The following ALDH3A2 variants were observed in gnomAD, a reference collection of about 807,000 sequenced individuals.
The protein encoded by ALDH3A2 is aldehyde dehydrogenase family 3 member A2.
Under a neutral mutation model 51.3 loss-of-function variants are expected in ALDH3A2, and 36 were observed. The observed-to-expected ratio is 0.70, with a 90% CI of 0.54 to 0.93. The LOEUF is 0.93. ALDH3A2 is among the 40% of genes least tolerant of loss of function. The pLI is 0.00. For missense variants in ALDH3A2, 552 were observed against 603.1 expected (o/e 0.92, Z 0.89); for synonymous variants, 199 against 219.8 (o/e 0.91, Z 0.84).
chr17:19,661,652 T>G (rs1407893663), intron 6 of ALDH3A2, among the ~76,000 whole-genome samples: 1 of 152,198 alleles, frequency 6.6e-6, no homozygotes, highest in African/African-American at 2.4e-5. Context: ...CCAGAAATAA[T>G]GTTTTGGTCC....
At chr17:19,673,812 T>C (rs2085153612) in intron 9 of ALDH3A2, among the ~76,000 whole-genome samples, 2 of 152,192 alleles carry the variant, frequency 1.3e-5, no homozygotes, top group African/African-American at 2.4e-5. Context: ...ACTCCACTTA[T>C]CCACAATTTT....
rs1253689065 is a variant in ALDH3A2 at position 19,654,846 on chromosome 17, G to T, written c.472-1520G>T. On this transcript the variant is annotated intron_variant, in intron 3 of 9. Transcript: ENST00000176643. This position sits in a 1 kb window ranked among gnomAD's most constrained non-coding sequence, Gnocchi z 4.5. ...CAAGGAGGTGCTGAGAGCGAGCAAG[G>T]GTTGCCCGCACGCTCTCACCTCTCA... Among the ~76,000 whole-genome samples, 1 of 152,108 alleles carries T rather than the reference G, an allele frequency of 6.6e-6. No homozygotes were observed. The highest frequency in any genetic ancestry group is 6.5e-5 in the Admixed American group (1 of 15,284).
Position 19,648,895 on chromosome 17 carries a change from G to A in ALDH3A2, c.-77G>A. 1 of 1,517,858 alleles carries A rather than the reference G, an allele frequency of 6.6e-7. No individual in the cohort carries two copies. Among genetic ancestry groups the A allele is most frequent in the South Asian group, 1.2e-5 (1 of 83,444 alleles). The allele number at this position is 1,517,858 out of a possible 1,614,324, so 94.0% of individuals were successfully genotyped here. On this transcript the variant is annotated 5_prime_UTR_variant, in exon 1 of 10. Transcript: ENST00000176643. The stretch of plus-strand genomic sequence containing the variant: ...GGAGGGAGGCGGAGGGAAGGGAGGC[G>A]AGGCCTGCACCTGCATGCTTCCCGC...
intron 4 of ALDH3A2, 113 bp downstream of exon 4, chr17:19,656,687 T>A: frequency 9.2e-7 from 1 of 1,083,704 alleles, no homozygotes; most frequent in Non-Finnish European, 1.4e-6. Context: ...GATACATTAT[T>A]AAGCTTTGGT....
At chr17:19,669,760 G>C (rs551225228) in intron 8 of ALDH3A2, among the ~76,000 whole-genome samples, 1 of 152,078 alleles carries the variant, frequency 6.6e-6, no homozygotes, top group South Asian at 2.1e-4. Context: ...TCAGCCTCCT[G>C]AATAGCTGGG....
chr17:19,663,529 A>G, intron 7 of ALDH3A2, 30 bp downstream of exon 7: 2 of 1,608,930 alleles, frequency 1.2e-6, no homozygotes, highest in East Asian at 4.5e-5. Context: ...GCTAGTTAGC[A>G]TAAGCAACTG....
intron 9 of ALDH3A2, chr17:19,672,206 G>T: frequency 1.8e-6 from 1 of 556,016 alleles, no homozygotes; most frequent in Non-Finnish European, 3.2e-6. Context: ...GAGGCTGAAT[G>T]GCCCTCAGAG....
Position 19,648,817 on chromosome 17 carries a change from C to G in ALDH3A2, c.-155C>G, listed in dbSNP as rs916254586. 3 of 1,061,830 alleles carry G rather than the reference C, an allele frequency of 2.8e-6. No individual in the cohort carries two copies. In the East Asian group the frequency reaches 7.9e-5, roughly 28 times the overall value. The allele number at this position is 1,061,830 out of a possible 1,614,324, so 65.8% of individuals were successfully genotyped here. On this transcript the variant is annotated 5_prime_UTR_variant, in exon 1 of 10. Transcript: ENST00000176643. ...GGCGTGGAGGTCGCGGCTGAGCGAG[C>G]GAGCCCTGGGCGAGTGAATTGTGGC...
chr17:19,669,609 C>T (rs1264604964), intron 8 of ALDH3A2, among the ~76,000 whole-genome samples: 2 of 152,074 alleles, frequency 1.3e-5, no homozygotes, highest in Non-Finnish European at 2.9e-5. Flanking sequence ...ATGCCAGGTA[C>T]TGCGGTTGAA....
chr17:19,658,552 CT>C (rs1216985640), intron 5 of ALDH3A2, among the ~76,000 whole-genome samples: 4 of 151,976 alleles, frequency 2.6e-5, no homozygotes, highest in Non-Finnish European at 4.4e-5. Flanking sequence ...TGGTGAAACC[CT>C]GTCTCTACTA....
intron 8 of ALDH3A2, among the ~76,000 whole-genome samples, chr17:19,667,974 A>G (rs530580021): frequency 6.6e-6 from 1 of 152,298 alleles, no homozygotes; most frequent in East Asian, 1.9e-4. Context: ...TTACTTCCTT[A>G]TATCCCCAAT....
intron 7 of ALDH3A2, among the ~76,000 whole-genome samples, chr17:19,664,741 G>A (rs2085011868): frequency 6.6e-6 from 1 of 152,108 alleles, no homozygotes; most frequent in Non-Finnish European, 1.5e-5. Flanking sequence ...TGAGAAGTTG[G>A]GTATCAGTCA....
chr17:19,656,551 T>C lies in ALDH3A2; in HGVS notation c.657T>C (p.Asp219=), dbSNP rs1220715449. Residue 219 remains aspartate (D), a synonymous_variant, in exon 4 of 10, where the codon GAT becomes GAC. Coordinates refer to ENST00000176643, the MANE Select transcript of ALDH3A2 (RefSeq NM_000382.3). ...AAAGTCCATGTTATATTGATAAAGATTGTGACCTGGACATTGTTTGCAGGT... is the reference window on the plus strand; with the variant it reads ...AAAGTCCATGTTATATTGATAAAGACTGTGACCTGGACATTGTTTGCAGGT... ...GGKSPCYIDK[D]CDLDIVCRRI... is the part of the protein sequence containing the mutation. 3.1e-6 allele frequency: 5 copies of C among 1,613,574 alleles called. No individual in the cohort carries two copies. The highest frequency in any genetic ancestry group is 1.1e-5 in the South Asian group (1 of 90,916).
rs1442735620 is a variant in ALDH3A2 at position 19,656,483 on chromosome 17, G to T, written c.589G>T (p.Ala197Ser). The change falls in exon 4 of 10, where the codon GCT (alanine) becomes TCT (serine). Residue 197 changes from alanine to serine, a missense_variant. Coordinates refer to ENST00000176643, the MANE Select transcript of ALDH3A2 (RefSeq NM_000382.3). ...TAVGKIVMEA[A>S]AKHLTPVTLE... ...GGTTGGCAAAATTGTCATGGAAGCT[G>T]CTGCCAAGCATCTGACCCCTGTGAC... The T allele has an allele frequency of 1.9e-6, 3 of 1,614,176 alleles. No individual in the cohort carries two copies. The highest frequency in any genetic ancestry group is 2.5e-6 in the Non-Finnish European group (3 of 1,180,028).
At chr17:19,649,175 T>C in intron 1 of ALDH3A2, 51 bp downstream of exon 1, 1 of 1,531,898 alleles carries the variant, frequency 6.5e-7, no homozygotes, top group South Asian at 1.2e-5. Context: ...GCCGCGCACT[T>C]GTGGACTGGA....
intron 8 of ALDH3A2, among the ~76,000 whole-genome samples, chr17:19,670,563 CTT>C (rs112210347): frequency 1.2e-4 from 16 of 137,580 alleles, no homozygotes; most frequent in Admixed American, 1.5e-4. Context: ...CTCCCTTATT[CTT>C]TTTTTTTTTT....
chr17:19,651,584 T>A lies in ALDH3A2; in HGVS notation c.191T>A (p.Val64Asp), dbSNP rs72547556. ...GTGTACAGTCAGGAAGTCATTACTG[T>A]CCTTGGGGAAATTGATTTTATGCTT... is the stretch of plus-strand genomic sequence containing the variant. ...FNVYSQEVIT[V>D]LGEIDFMLEN... Residue 64 changes from valine (V) to aspartate (D), a missense_variant, in exon 2 of 10, where the codon GTC becomes GAC. By Grantham distance (152) the Val-to-Asp change is radical (BLOSUM62 -3). Transcript: ENST00000176643. 4 of 1,614,080 alleles carry A rather than the reference T, an allele frequency of 2.5e-6. No individual in the cohort carries two copies. In the African/African-American group the frequency reaches 5.3e-5, roughly 22 times the overall value.
chr17:19,650,548 G>A (rs1206140375), intron 1 of ALDH3A2, among the ~76,000 whole-genome samples: 1 of 151,986 alleles, frequency 6.6e-6, no homozygotes, highest in Non-Finnish European at 1.5e-5. Context: ...CCACCTCCCG[G>A]GTTCACACCA....
At position 19,648,910 on chromosome 17, in the gene ALDH3A2, A is replaced by G. The variant is rs2084772755; in HGVS notation, c.-62A>G. 1.3e-6 allele frequency: 2 copies of G among 1,533,628 alleles called. No homozygotes were observed. Among genetic ancestry groups the G allele is most frequent in the Non-Finnish European group, 8.8e-7 (1 of 1,138,616 alleles). The stretch of plus-strand genomic sequence containing the variant: ...GAAGGGAGGCGAGGCCTGCACCTGC[A>G]TGCTTCCCGCCTCCCACTCCCCAGC... On this transcript the variant is annotated 5_prime_UTR_variant, in exon 1 of 10. It removes an upstream start codon present in the reference 5' UTR. Transcript: ENST00000176643.
Sources: allele counts gnomAD v4.1 joint callset (sites outside exome capture counted in the v4.1 genomes callset), GRCh38; gene constraint gnomAD v4.1.1; non-coding constraint Gnocchi (gnomAD v3.1); transcripts MANE v1.5; gene names NCBI Gene and HGNC (gene_info 2026-07-23, HGNC 2026-07-21).